FBXL3: variants seen among roughly 807,000 people sequenced by gnomAD.
FBXL3 encodes F-box and leucine rich repeat protein 3, also known as F-box/LRR-repeat protein 3.
Under a neutral mutation model 37.9 loss-of-function variants are expected in FBXL3, and 14 were observed. That is an observed-to-expected ratio of 0.37 (90% CI 0.24 to 0.58). FBXL3 has a LOEUF of 0.58. Ranked by LOEUF, FBXL3 falls within the 20% of genes least tolerant of loss-of-function variation. The pLI is 0.74. For synonymous variants in FBXL3, 194 were observed against 180.1 expected (o/e 1.08, Z -0.62); for missense variants, 327 against 511.1 (o/e 0.64, Z 3.47).
Position 77,015,488 on chromosome 13 carries a change from A to G in FBXL3, c.564T>C (p.Ser188=). The G allele has an allele frequency of 6.2e-7, 1 of 1,608,702 alleles. No individual in the cohort carries two copies. Among genetic ancestry groups the G allele is most frequent in the Non-Finnish European group, 8.5e-7 (1 of 1,177,456 alleles). ...TATTGTTGGCCACTAGTACTTTGAG[A>G]GATGGATCATCTACTGGAGTATCAT... ...KIDDTPVDDP[S]LKVLVANNSD... The change falls in exon 4 of 5, where the codon TCT becomes TCC. Residue 188 remains serine, a synonymous_variant. Coordinates refer to ENST00000355619, the MANE Select transcript of FBXL3 (RefSeq NM_012158.4).
chr13:77,019,729 T>G (rs1039093844), intron 2 of FBXL3, among the ~76,000 whole-genome samples: 2 of 152,054 alleles, frequency 1.3e-5, no homozygotes, highest in African/African-American at 4.8e-5. Flanking sequence ...GACTAAAAAT[T>G]CTAACTATAA....
Position 77,007,791 on chromosome 13 carries a change from T to C in FBXL3, c.644-3A>G, listed in dbSNP as rs1277155991. 1 of 1,540,798 alleles carries C rather than the reference T, an allele frequency of 6.5e-7. No individual in the cohort carries two copies. The highest frequency in any genetic ancestry group is 8.7e-7 in the Non-Finnish European group (1 of 1,145,076). The stretch of plus-strand genomic sequence containing the variant: ...CTGATCAGCCACACAAAGGATACCT[T>C]GAAAGAAAAAAAAAATTATTTGCAA... On this transcript the variant is annotated splice_region_variant and splice_polypyrimidine_tract_variant and intron_variant, in intron 4 of 4. Coordinates refer to ENST00000355619, the MANE Select transcript of FBXL3 (RefSeq NM_012158.4).
chr13:77,020,514 A>C (rs528350181), intron 2 of FBXL3, among the ~76,000 whole-genome samples: 1 of 152,280 alleles, frequency 6.6e-6, no homozygotes, highest in African/African-American at 2.4e-5. Context: ...TATGGCCAGA[A>C]GCTCTGGGTT....
chr13:77,024,655 TC>T (rs976067604), intron 1 of FBXL3, among the ~76,000 whole-genome samples: 5 of 152,232 alleles, frequency 3.3e-5, no homozygotes, highest in Non-Finnish European at 7.3e-5. Flanking sequence ...TAAATACCTT[TC>T]CAAGTTCAGG....
At chr13:77,010,976 T>C (rs2034540475) in intron 4 of FBXL3, 1 of 152,118 alleles carries the variant, frequency 6.6e-6, no homozygotes, top group Middle Eastern at 3.2e-3. Context: ...CATAACACAG[T>C]GACAAAAGTA....
chr13:77,021,559 T>A lies in FBXL3; in HGVS notation c.302A>T (p.Gln101Leu). The A allele has an allele frequency of 5.6e-6, 9 of 1,614,120 alleles. No individual in the cohort carries two copies. The highest frequency in any genetic ancestry group is 7.6e-6 in the Non-Finnish European group (9 of 1,179,998). ...LKATHPELIK[Q>L]IIKRHSNHLQ... ...ATGGTTTGAATGTCTTTTAATAATC[T>A]GTTTGATCAGCTCTGGATGGGTAGC... The change falls in exon 2 of 5, where the codon CAG becomes CTG. Residue 101 changes from glutamine (Q) to leucine (L), a missense_variant. Transcript: ENST00000355619.
rs377162600 is a variant in FBXL3, at chr13:77,021,875, T to G, written c.-1-14A>C. 1 of 1,567,276 alleles carries G rather than the reference T, an allele frequency of 6.4e-7. No homozygotes were observed. Among genetic ancestry groups the G allele is most frequent in the East Asian group, 2.3e-5 (1 of 44,436 alleles). ...CCTCGTTTCATCCTATTCCGAAAAATGCATCAGTTTTTTTCCTACTCAACT... is the reference window on the plus strand; with the variant it reads ...CCTCGTTTCATCCTATTCCGAAAAAGGCATCAGTTTTTTTCCTACTCAACT... On this transcript the variant is annotated splice_polypyrimidine_tract_variant and intron_variant, in intron 1 of 4. Transcript: ENST00000355619.
intron 3 of FBXL3, chr13:77,016,069 T>C (rs1202502505): frequency 6.6e-6 from 1 of 152,178 alleles, no homozygotes; most frequent in African/African-American, 2.4e-5. Flanking sequence ...TCATAGAAAA[T>C]TTGATTATAA....
rs60267585 is a variant in FBXL3 at position 77,011,722 on chromosome 13, CA to C, written c.643+3686del. Among the ~76,000 whole-genome samples, 880 of 93,268 alleles carry C rather than the reference CA, an allele frequency of 9.4e-3. 6 individuals carry two copies. Among genetic ancestry groups the C allele is most frequent in the African/African-American group, 0.037 (723 of 19,494 alleles). 61.2% of individuals were successfully genotyped at this position (93,268 alleles called of 152,430 possible). A position where few individuals can be genotyped will look rare whatever the true frequency, so the allele number is the denominator to read the frequency against. ...TGGGCGACAGAGTGAGACCCTGTCT[CA>C]AAAAAAAAAAAAAAAAAGATACTCA... On this transcript the variant is annotated intron_variant, in intron 4 of 4. Coordinates refer to ENST00000355619, the MANE Select transcript of FBXL3 (RefSeq NM_012158.4).
At chr13:77,026,560 G>A (rs947662996) in intron 1 of FBXL3, among the ~76,000 whole-genome samples, 3 of 152,168 alleles carry the variant, frequency 2.0e-5, no homozygotes, top group Non-Finnish European at 4.4e-5. Context: ...GGCGTCGCGG[G>A]CAGGCTGCAG....
intron 1 of FBXL3, among the ~76,000 whole-genome samples, chr13:77,025,899 T>A (rs1043066990): frequency 6.6e-6 from 1 of 152,146 alleles, no homozygotes; most frequent in African/African-American, 2.4e-5. Context: ...CAAACTAATA[T>A]GCATTCTTTG....
intron 1 of FBXL3, chr13:77,026,411 T>C: frequency 1.0e-6 from 1 of 971,290 alleles, no homozygotes. Flanking sequence ...GACATTTCAG[T>C]GCCTCATTGC....
chr13:77,015,799 A>G, intron 3 of FBXL3: 1 of 293,328 alleles, frequency 3.4e-6, no homozygotes, highest in Non-Finnish European at 6.2e-6. Context: ...GGGGGAAAAA[A>G]GCATTTCAAG....
At position 77,006,427 on chromosome 13, in the gene FBXL3, T is replaced by C. The variant is rs1475040501; in HGVS notation, c.*718A>G. Reference sequence around the variant, plus strand: ...CAAGTGCCACATACATAATAACATATCACAAAAGAATGTATATGGTTTAGC... The same window carrying C: ...CAAGTGCCACATACATAATAACATACCACAAAAGAATGTATATGGTTTAGC... On this transcript the variant is annotated 3_prime_UTR_variant, in exon 5 of 5. Transcript: ENST00000355619. 1 of 152,094 alleles carries C rather than the reference T, an allele frequency of 6.6e-6. No homozygotes were observed. Among genetic ancestry groups the C allele is most frequent in the Non-Finnish European group, 1.5e-5 (1 of 67,972 alleles). 9.4% of individuals were successfully genotyped at this position (152,094 alleles called of 1,614,324 possible).
chr13:77,012,738 C>G (rs939143859), intron 4 of FBXL3: 2 of 152,110 alleles, frequency 1.3e-5, no homozygotes, highest in Non-Finnish European at 2.9e-5. Context: ...CAACTGAAAT[C>G]TTATGTGGTT....
intron 1 of FBXL3, among the ~76,000 whole-genome samples, chr13:77,023,503 C>G (rs936955584): frequency 4.6e-5 from 7 of 152,054 alleles, no homozygotes; most frequent in African/African-American, 1.7e-4. Flanking sequence ...ACATCTCTTC[C>G]CTTTTTATGT....
intron 1 of FBXL3, among the ~76,000 whole-genome samples, chr13:77,026,549 C>T (rs1262161401): frequency 6.6e-6 from 1 of 152,138 alleles, no homozygotes; most frequent in Non-Finnish European, 1.5e-5. Flanking sequence ...CCGGGAGCGG[C>T]GGCGTCGCGG....
intron 4 of FBXL3, among the ~76,000 whole-genome samples, chr13:77,011,335 CTT>C (rs1224765233): frequency 8.1e-6 from 1 of 123,526 alleles, no homozygotes; most frequent in Non-Finnish European, 1.6e-5. Flanking sequence ...AAGAAGGAGA[CTT>C]TGTCTCCAAA....
At chr13:77,022,423 G>T (rs1045633685) in intron 1 of FBXL3, among the ~76,000 whole-genome samples, 1 of 152,170 alleles carries the variant, frequency 6.6e-6, no homozygotes, top group Non-Finnish European at 1.5e-5. Context: ...CCTCCTGTCA[G>T]ATCAGCAGCT....
Sources: allele counts gnomAD v4.1 joint callset (sites outside exome capture counted in the v4.1 genomes callset), GRCh38; gene constraint gnomAD v4.1.1; transcripts MANE v1.5; gene names NCBI Gene and HGNC (gene_info 2026-07-23, HGNC 2026-07-21).